The following CAP2 variants were observed in gnomAD, a reference collection of about 807,000 sequenced individuals.
The protein encoded by CAP2 is cyclase associated actin cytoskeleton regulatory protein 2, also known as adenylyl cyclase-associated protein 2.
A neutral mutation model predicts 57.7 loss-of-function variants in CAP2; 24 were observed. The observed-to-expected ratio is 0.42, with a 90% CI of 0.30 to 0.58. CAP2 has a LOEUF of 0.58. Ranked by LOEUF, CAP2 falls within the 20% of genes least tolerant of loss-of-function variation. The probability of loss-of-function intolerance (pLI) is 0.22; values close to 1 mark genes in which losing one functional copy is unlikely to be tolerated. For synonymous variants in CAP2, 194 were observed against 207.2 expected, an observed-to-expected ratio of 0.94 and a Z score of 0.55; for missense variants, 501 against 590.3, an observed-to-expected ratio of 0.85 and a Z score of 1.57.
chr6:17,522,899 A>G (rs905324770), intron 7 of CAP2, among the ~76,000 whole-genome samples: 1 of 152,014 alleles, frequency 6.6e-6, no homozygotes. Flanking sequence ...GGTTCAGGTG[A>G]TTCTCCTGCC....
At chr6:17,404,294 A>C (rs2113505560) in intron 1 of CAP2, among the ~76,000 whole-genome samples, 1 of 152,124 alleles carries the variant, frequency 6.6e-6, no homozygotes, top group East Asian at 1.9e-4. Context: ...AACATAGTAA[A>C]ACTCTATCTC....
chr6:17,426,565 A>G (rs754091038), intron 2 of CAP2, 25 bp from the exon 3 acceptor site: 25 of 1,560,798 alleles, frequency 1.6e-5, no homozygotes, highest in Non-Finnish European at 2.0e-5. Flanking sequence ...CGGCCAGGGA[A>G]TAACAAACTG....
At chr6:17,495,926 A>G (rs1266878949) in intron 4 of CAP2, among the ~76,000 whole-genome samples, 6 of 149,844 alleles carry the variant, frequency 4.0e-5, no homozygotes, top group African/African-American at 1.5e-4. Flanking sequence ...AGACAGCAAC[A>G]GAGGACAGAA....
At chr6:17,432,137 T>A (rs972145956) in intron 3 of CAP2, among the ~76,000 whole-genome samples, 3 of 152,208 alleles carry the variant, frequency 2.0e-5, no homozygotes, top group African/African-American at 7.2e-5. Flanking sequence ...CTGAAACATA[T>A]AATAGCCTTA....
intron 4 of CAP2, among the ~76,000 whole-genome samples, chr6:17,487,108 C>G (rs1054493747): frequency 2.0e-5 from 3 of 152,186 alleles, no homozygotes; most frequent in Non-Finnish European, 4.4e-5. Context: ...TTGCTGAGCA[C>G]GTACTATGTG....
intron 1 of CAP2, among the ~76,000 whole-genome samples, chr6:17,407,730 GAT>G (rs1471786707): frequency 7.2e-6 from 1 of 138,456 alleles, no homozygotes; most frequent in Non-Finnish European, 1.5e-5. Context: ...AGTCAGCTGA[GAT>G]CCTGCCACTG....
At chr6:17,550,030 A>G (rs560384268) in intron 11 of CAP2, among the ~76,000 whole-genome samples, 2 of 152,184 alleles carry the variant, frequency 1.3e-5, no homozygotes, top group Non-Finnish European at 2.9e-5. Context: ...TAATAAATAA[A>G]TCCTCCCAAT....
At chr6:17,416,507 A>G (rs1433021996) in intron 1 of CAP2, among the ~76,000 whole-genome samples, 6 of 152,192 alleles carry the variant, frequency 3.9e-5, no homozygotes, top group South Asian at 4.1e-4. Context: ...ATATAACACT[A>G]TTGGGAGGAC....
At chr6:17,405,342 A>G (rs547372387) in intron 1 of CAP2, among the ~76,000 whole-genome samples, 1 of 152,344 alleles carries the variant, frequency 6.6e-6, no homozygotes, top group South Asian at 2.1e-4. Flanking sequence ...AGATTGCACC[A>G]CTGCATTCCA....
In CAP2 at chr6:17,540,854, T is replaced by C. The variant is rs139188054; in HGVS notation, c.827-119T>C. On this transcript the variant is annotated intron_variant, in intron 8 of 12. Coordinates refer to ENST00000229922, the MANE Select transcript of CAP2 (RefSeq NM_006366.3). ...CTGACTTGGAGAAAGCACTAGACTG[T>C]TTTGAAAGTGGCCTTACCAAAAGTT... is the stretch of plus-strand genomic sequence containing the variant. 7.6e-4 allele frequency: 689 copies of C among 904,316 alleles called. 3 individuals are homozygous for C. The East Asian group carries it at 8.5e-3, about 11-fold the overall frequency. 56.0% of individuals were successfully genotyped at this position (904,316 alleles called of 1,614,324 possible).
At position 17,476,671 on chromosome 6, in the gene CAP2, C is replaced by G. The variant is rs962988764; in HGVS notation, c.300+13598C>G. 3.9e-5 allele frequency among the ~76,000 whole-genome samples: 6 copies of G among 152,058 alleles called. No homozygotes were observed. The East Asian group carries it at 1.2e-3, about 29-fold the overall frequency. On this transcript the variant is annotated intron_variant, in intron 4 of 12. Coordinates refer to ENST00000229922, the MANE Select transcript of CAP2 (RefSeq NM_006366.3). ...TTCTTTGTTCTGCCATCTCCCAAGG[C>G]TTAAATGGGAAAAGGAGAAAGACGA...
Position 17,416,641 on chromosome 6 carries a change from A to G in CAP2, c.-1-4914A>G, listed in dbSNP as rs146724176. 2.1e-4 allele frequency among the ~76,000 whole-genome samples: 32 copies of G among 152,330 alleles called. No homozygotes were observed. In the Middle Eastern group the frequency reaches 0.017, roughly 81 times the overall value. ...AACTGAAGAAAACCAAATAATACAC[A>G]GAGATAGAGTCATGTTATTTAGACA... On this transcript the variant is annotated intron_variant, in intron 1 of 12. Transcript: ENST00000229922.
chr6:17,416,928 G>A (rs544086326), intron 1 of CAP2, among the ~76,000 whole-genome samples: 1 of 152,108 alleles, frequency 6.6e-6, no homozygotes, highest in East Asian at 1.9e-4. Context: ...CACTGTCCCT[G>A]CAAAAAATGA....
At chr6:17,514,314 G>C (rs1293263858) in intron 7 of CAP2, among the ~76,000 whole-genome samples, 1 of 152,134 alleles carries the variant, frequency 6.6e-6, no homozygotes, top group African/African-American at 2.4e-5. Context: ...AGTGAGCCGA[G>C]ATTGCACCAT....
chr6:17,515,112 G>A (rs947747320), intron 7 of CAP2, among the ~76,000 whole-genome samples: 7 of 151,806 alleles, frequency 4.6e-5, no homozygotes, highest in African/African-American at 1.2e-4. Context: ...CAAGAGAATC[G>A]CTTGAATCCG....
intron 4 of CAP2, among the ~76,000 whole-genome samples, chr6:17,503,111 G>A (rs1761871106): frequency 6.6e-6 from 1 of 152,150 alleles, no homozygotes. Context: ...AGAATTTGGA[G>A]GTAAGGAGTC....
At chr6:17,546,610 G>T (rs950515257) in intron 11 of CAP2, among the ~76,000 whole-genome samples, 3 of 152,106 alleles carry the variant, frequency 2.0e-5, no homozygotes, top group African/African-American at 7.2e-5. Flanking sequence ...TAGACATGAA[G>T]TCCTCGCCCA....
At chr6:17,477,968 C>T (rs1350473567) in intron 4 of CAP2, among the ~76,000 whole-genome samples, 1 of 148,248 alleles carries the variant, frequency 6.7e-6, no homozygotes, top group Non-Finnish European at 1.5e-5. Context: ...TTACTTCTTG[C>T]ATTTTCCACT....
chr6:17,415,336 A>G (rs1759247173), intron 1 of CAP2, among the ~76,000 whole-genome samples: 1 of 152,240 alleles, frequency 6.6e-6, no homozygotes, highest in Non-Finnish European at 1.5e-5. Flanking sequence ...TTTTAACACA[A>G]TTTGAAATCC....
Sources: gnomAD v4.1 joint callset for allele counts (sites outside exome capture counted in the v4.1 genomes callset) on GRCh38, gnomAD v4.1.1 for gene constraint, MANE v1.5 for transcripts, NCBI Gene and HGNC (gene_info 2026-07-23, HGNC 2026-07-21) for gene names.